The following SAMD5 variants were observed in gnomAD, a reference collection of about 807,000 sequenced individuals.
SAMD5 encodes sterile alpha motif domain containing 5, also known as sterile alpha motif domain-containing protein 5.
Under a neutral mutation model 11.3 loss-of-function variants are expected in SAMD5, and 13 were observed. That is an observed-to-expected ratio of 1.15 (90% CI 0.75 to 1.83). SAMD5 has a LOEUF of 1.83. Among genes scored for constraint, SAMD5 ranks in the 40% most tolerant of loss-of-function variants. The probability of loss-of-function intolerance (pLI) is 0.00; values close to 1 mark genes in which losing one functional copy is unlikely to be tolerated. For synonymous variants in SAMD5, 129 were observed against 111.3 expected, an observed-to-expected ratio of 1.16 and a Z score of -1.00; for missense variants, 255 against 239.1, an observed-to-expected ratio of 1.07 and a Z score of -0.44.
At chr6:147,647,586 G>A (rs1790424760) in intron 1 of SAMD5, among the ~76,000 whole-genome samples, 1 of 152,144 alleles carries the variant, frequency 6.6e-6, no homozygotes, top group Non-Finnish European at 1.5e-5. Flanking sequence ...GTGGTAGATA[G>A]TGAGGGAAAA....
intron 1 of SAMD5, among the ~76,000 whole-genome samples, chr6:147,672,565 G>A (rs149800896): frequency 1.1e-3 from 160 of 152,172 alleles, no homozygotes; most frequent in Non-Finnish European, 1.9e-3. Flanking sequence ...TTTTATCCAG[G>A]AAATGTTTAA....
In SAMD5 at chr6:147,674,148, C is replaced by A. The variant is rs1790832469; in HGVS notation, c.163-63169C>A. Among the ~76,000 whole-genome samples, 3 of 152,126 alleles carry A rather than the reference C, an allele frequency of 2.0e-5. No individual in the cohort carries two copies. In the South Asian group the frequency reaches 6.2e-4, roughly 32 times the overall value. On this transcript the variant is annotated intron_variant, in intron 1 of 1. Coordinates refer to the SAMD5 transcript ENST00000566741. ...GAGAGAAAAGGGGGACAGGGGCTGT[C>A]ATTAATTGTAATTTCCTAAGTGCTA...
the SAMD5 span, among the ~76,000 whole-genome samples, chr6:147,780,759 TTAAAAAGTGGAAGCTAC>T: frequency 6.6e-6 from 1 of 152,244 alleles, no homozygotes; most frequent in Admixed American, 6.5e-5. Flanking sequence ...TAAATGTCTT[TTAAAAAGTGGAAGCTAC>T]TTATGGAAAA....
At chr6:147,573,288 A>G (rs1789165953), downstream of SAMD5, among the ~76,000 whole-genome samples, 1 of 152,218 alleles carries the variant, frequency 6.6e-6, no homozygotes, top group Admixed American at 6.5e-5. Context: ...ACAGTTCCAC[A>G]TGGCTGGGAG....
At chr6:147,537,841 A>G (rs550571056) in intron 1 of SAMD5, among the ~76,000 whole-genome samples, 1 of 152,162 alleles carries the variant, frequency 6.6e-6, no homozygotes, top group Non-Finnish European at 1.5e-5. Context: ...CATGAGGCCA[A>G]CTAAATTTGT....
chr6:147,857,712 C>A, the SAMD5 span, among the ~76,000 whole-genome samples: 1 of 151,840 alleles, frequency 6.6e-6, no homozygotes, highest in African/African-American at 2.4e-5. Context: ...TTTGAAATAT[C>A]TTTATTAGGA....
At chr6:147,519,485 C>A (rs1361824642) in intron 1 of SAMD5, among the ~76,000 whole-genome samples, 2 of 152,192 alleles carry the variant, frequency 1.3e-5, no homozygotes, top group African/African-American at 4.8e-5. Flanking sequence ...TTATACCTTG[C>A]AGTTTGTATT....
At chr6:147,854,233 G>A in the SAMD5 span, among the ~76,000 whole-genome samples, 1 of 152,140 alleles carries the variant, frequency 6.6e-6, no homozygotes, top group Non-Finnish European at 1.5e-5. Context: ...CACAATCTTG[G>A]TGGGACTGGA....
At chr6:147,936,732 A>G in the SAMD5 span, among the ~76,000 whole-genome samples, 2,031 of 152,326 alleles carry the variant, frequency 0.013, 49 homozygotes, top group African/African-American at 0.047. Context: ...GAAAATGCCA[A>G]TGGCCTCCAG....
At chr6:147,950,221 A>G in the SAMD5 span, among the ~76,000 whole-genome samples, 1 of 152,202 alleles carries the variant, frequency 6.6e-6, no homozygotes, top group Non-Finnish European at 1.5e-5. Flanking sequence ...GATGGGAGAA[A>G]TTGGGATTTG....
At chr6:147,551,817 T>C (rs1163776728) in intron 1 of SAMD5, among the ~76,000 whole-genome samples, 2 of 56,224 alleles carry the variant, frequency 3.6e-5, no homozygotes, top group Admixed American at 2.1e-4. Context: ...ATATGTTATA[T>C]ATATATATAT....
the SAMD5 span, among the ~76,000 whole-genome samples, chr6:147,804,181 C>A: frequency 1.3e-5 from 2 of 150,332 alleles, no homozygotes; most frequent in African/African-American, 4.9e-5. Flanking sequence ...CATCTCGGCT[C>A]GCTGCAACTT....
At chr6:147,606,073 A>C (rs973591852) in intron 1 of SAMD5, among the ~76,000 whole-genome samples, 3 of 152,156 alleles carry the variant, frequency 2.0e-5, no homozygotes, top group Non-Finnish European at 4.4e-5. Flanking sequence ...AGACAGAATT[A>C]GGTTCTATTC....
chr6:147,858,844 T>C, the SAMD5 span, among the ~76,000 whole-genome samples: 10 of 152,346 alleles, frequency 6.6e-5, no homozygotes, highest in African/African-American at 2.4e-4. Context: ...AAATATTCAG[T>C]GCCTACCATG....
chr6:147,550,185 G>C (rs1328760983), intron 1 of SAMD5, among the ~76,000 whole-genome samples: 3 of 152,094 alleles, frequency 2.0e-5, no homozygotes, highest in Admixed American at 2.0e-4. Context: ...TGAGGTTACA[G>C]TGAGCCATGA....
intron 1 of SAMD5, among the ~76,000 whole-genome samples, chr6:147,559,688 C>A (rs1198176180): frequency 6.6e-6 from 1 of 152,036 alleles, no homozygotes; most frequent in African/African-American, 2.4e-5. Flanking sequence ...GGGTAGTTGC[C>A]TCTAAAGTAA....
rs6923561 is a variant in SAMD5 at position 147,515,146 on chromosome 6, C to A, written c.459+5759C>A. ...AGCTTTCTCCAACTCAATCAGTGTC[C>A]TCAAATACCCTCAACCTATATCCTT... On this transcript the variant is annotated intron_variant, in intron 1 of 1. Transcript: ENST00000367474. Among the ~76,000 whole-genome samples the A allele has an allele frequency of 9.9e-4, 145 of 146,664 alleles. 6 individuals carry two copies. The South Asian group carries it at 0.03, about 30-fold the overall frequency.
At chr6:147,575,453 G>T (rs1217260243) in intron 1 of SAMD5, among the ~76,000 whole-genome samples, 1 of 152,210 alleles carries the variant, frequency 6.6e-6, no homozygotes, top group Non-Finnish European at 1.5e-5. Flanking sequence ...ACCACGAATG[G>T]CAGCCATATT....
the SAMD5 span, among the ~76,000 whole-genome samples, chr6:147,936,913 C>A: frequency 6.6e-6 from 1 of 152,054 alleles, no homozygotes; most frequent in Non-Finnish European, 1.5e-5. Flanking sequence ...GTATTCAGGT[C>A]TTCAGAGCAG....
Sources: gnomAD v4.1 joint callset for allele counts (sites outside exome capture counted in the v4.1 genomes callset) on GRCh38, gnomAD v4.1.1 for gene constraint, MANE v1.5 for transcripts, NCBI Gene and HGNC (gene_info 2026-07-23, HGNC 2026-07-21) for gene names.